CTXND2: variants seen among roughly 807,000 people sequenced by gnomAD.
The protein encoded by CTXND2 is cortexin domain containing 2.
At chr1:150,900,689 A>T (rs923166174) in intron 1 of CTXND2, among the ~76,000 whole-genome samples, 1 of 152,064 alleles carries the variant, frequency 6.6e-6, no homozygotes, top group African/African-American at 2.4e-5. Flanking sequence ...GTGAGAAAAT[A>T]TTTGCAATAT....
chr1:150,893,695 G>C (rs1171929289), intron 1 of CTXND2, among the ~76,000 whole-genome samples: 1 of 152,096 alleles, frequency 6.6e-6, no homozygotes, highest in Non-Finnish European at 1.5e-5. Context: ...CTAGCCTCAA[G>C]CAATCCTGCT....
chr1:150,911,614 G>T (rs1396750727), intron 1 of CTXND2, among the ~76,000 whole-genome samples: 1 of 151,874 alleles, frequency 6.6e-6, no homozygotes, highest in Admixed American at 6.6e-5. Flanking sequence ...TGTATTTTTA[G>T]TAGAGACGGG....
chr1:150,898,679 C>G (rs1175911257), intron 1 of CTXND2, among the ~76,000 whole-genome samples: 1 of 151,158 alleles, frequency 6.6e-6, no homozygotes, highest in Non-Finnish European at 1.5e-5. Context: ...TTGCTCGAAC[C>G]CAGGAGGCAG....
At chr1:150,910,962 G>A (rs1397946166) in intron 1 of CTXND2, among the ~76,000 whole-genome samples, 5 of 151,840 alleles carry the variant, frequency 3.3e-5, no homozygotes, top group Non-Finnish European at 7.4e-5. Context: ...CCACCACCAC[G>A]CCCAGCTAAT....
intron 1 of CTXND2, among the ~76,000 whole-genome samples, chr1:150,908,310 ACT>A (rs1446318131): frequency 1.3e-5 from 2 of 152,004 alleles, no homozygotes; most frequent in African/African-American, 4.8e-5. Context: ...CTGGCCAGTA[ACT>A]CTTATGTTTC....
chr1:150,901,880 TGCACTCCA>T (rs58625289), intron 1 of CTXND2, among the ~76,000 whole-genome samples: 53,233 of 150,914 alleles, frequency 0.35, 9,685 homozygotes, highest in South Asian at 0.53. Flanking sequence ...ATTGTGCTAC[TGCACTCCA>T]GCACTCCAGC....
At chr1:150,908,256 T>C (rs1669188628) in intron 1 of CTXND2, among the ~76,000 whole-genome samples, 2 of 152,062 alleles carry the variant, frequency 1.3e-5, no homozygotes, top group South Asian at 4.1e-4. Flanking sequence ...TCCACCCACC[T>C]TGGCTGCCCA....
chr1:150,903,445 C>CT (rs1357798065), intron 1 of CTXND2, among the ~76,000 whole-genome samples: 9 of 151,588 alleles, frequency 5.9e-5, no homozygotes, highest in East Asian at 5.8e-4. Flanking sequence ...TGATTTTTAA[C>CT]TTTTTTTTAA....
intron 1 of CTXND2, among the ~76,000 whole-genome samples, chr1:150,899,488 G>A (rs1294398712): frequency 2.0e-5 from 3 of 151,930 alleles, no homozygotes; most frequent in African/African-American, 7.3e-5. Flanking sequence ...GGATCTAAAT[G>A]GAAAAGAATG....
At chr1:150,905,384 T>TTC (rs397785147) in intron 1 of CTXND2, among the ~76,000 whole-genome samples, 2 of 64,068 alleles carry the variant, frequency 3.1e-5, no homozygotes, top group Admixed American at 2.3e-4. Context: ...CCTCAGGTGA[T>TTC]CCCCCCCAAC....
chr1:150,900,138 T>C (rs587719662), intron 1 of CTXND2, among the ~76,000 whole-genome samples: 1 of 151,970 alleles, frequency 6.6e-6, no homozygotes, highest in Non-Finnish European at 1.5e-5. Context: ...CTTTTGCTCT[T>C]CTCAATAAAT....
At chr1:150,907,195 C>T (rs1392216300) in intron 1 of CTXND2, among the ~76,000 whole-genome samples, 1 of 152,166 alleles carries the variant, frequency 6.6e-6, no homozygotes, top group Non-Finnish European at 1.5e-5. Context: ...AGATATAATT[C>T]ACATACAATT....
At chr1:150,903,691 G>A (rs1317764395) in intron 1 of CTXND2, among the ~76,000 whole-genome samples, 2 of 151,804 alleles carry the variant, frequency 1.3e-5, no homozygotes, top group Non-Finnish European at 2.9e-5. Context: ...CCAGCTGCTC[G>A]GGAGGCTGAG....
intron 1 of CTXND2, among the ~76,000 whole-genome samples, chr1:150,910,905 T>C (rs955844294): frequency 6.6e-6 from 1 of 151,936 alleles, no homozygotes; most frequent in Non-Finnish European, 1.5e-5. Context: ...CCTGGGTTCA[T>C]ACCATTCTCC....
chr1:150,894,041 C>T (rs1028881367), intron 1 of CTXND2, among the ~76,000 whole-genome samples: 1 of 151,942 alleles, frequency 6.6e-6, no homozygotes, highest in Non-Finnish European at 1.5e-5. Flanking sequence ...TGGTCTCGAA[C>T]TCCTGGACTC....
At chr1:150,892,997 T>C (rs983390859) in intron 1 of CTXND2, among the ~76,000 whole-genome samples, 5 of 152,194 alleles carry the variant, frequency 3.3e-5, no homozygotes, top group African/African-American at 4.8e-5. Context: ...TCCACAAACA[T>C]AGTATATCCC....
At chr1:150,889,484 G>A (rs10399947) in intron 1 of CTXND2, among the ~76,000 whole-genome samples, 65,798 of 151,288 alleles carry the variant, frequency 0.43, 15,221 homozygotes, top group African/African-American at 0.54. Context: ...TTTAAGCCCA[G>A]GAGTTTTCTT....
At chr1:150,899,297 A>G (rs954282162) in intron 1 of CTXND2, among the ~76,000 whole-genome samples, 8 of 151,864 alleles carry the variant, frequency 5.3e-5, no homozygotes, top group Non-Finnish European at 1.0e-4. Context: ...AATTTTAGCC[A>G]GGCATATTAT....
intron 1 of CTXND2, among the ~76,000 whole-genome samples, chr1:150,909,717 G>C (rs893326496): frequency 1.3e-5 from 2 of 151,968 alleles, no homozygotes; most frequent in African/African-American, 4.8e-5. Flanking sequence ...CCAGGAGTTC[G>C]GTCTAGGTCC....
Sources: allele counts gnomAD v4.1 joint callset (sites outside exome capture counted in the v4.1 genomes callset), GRCh38; gene constraint gnomAD v4.1.1; transcripts MANE v1.5; gene names NCBI Gene and HGNC (gene_info 2026-07-23, HGNC 2026-07-21).